The following MRPS10 variants were observed in gnomAD, a reference collection of about 807,000 sequenced individuals.
The protein encoded by MRPS10 is mitochondrial ribosomal protein S10, also known as small ribosomal subunit protein uS10m.
In MRPS10, 23 loss-of-function variants were observed where a neutral mutation model predicts 27.5. The observed-to-expected ratio is 0.84, with a 90% CI of 0.60 to 1.18. MRPS10 has a LOEUF of 1.18. Among genes scored for constraint, MRPS10 ranks in the 50% most tolerant of loss-of-function variants. MRPS10 has a pLI of 0.00. For missense variants in MRPS10, 237 were observed against 240.1 expected (o/e 0.99, Z 0.09); for synonymous variants, 88 against 84.2 (o/e 1.04, Z -0.25).
At chr6:42,214,634 C>G (rs974885452) in intron 1 of MRPS10, among the ~76,000 whole-genome samples, 32 of 102,618 alleles carry the variant, frequency 3.1e-4, no homozygotes, top group African/African-American at 8.2e-4. Context: ...ATGTGGACAT[C>G]AAGAAAAAAT....
Position 42,214,119 on chromosome 6 carries a change from C to G in MRPS10, c.186+1G>C, listed in dbSNP as rs1305724576. 6.2e-7 allele frequency: 1 copy of G among 1,609,042 alleles called. No individual in the cohort carries two copies. Among genetic ancestry groups the G allele is most frequent in the African/African-American group, 1.3e-5 (1 of 74,760 alleles). ...TATACCAAGAAACAGGGAGTACATA[C>G]CACAGGTTTGGTCAAATCCTTTGGA... On this transcript the variant is annotated splice_donor_variant, in intron 3 of 6. Transcript: ENST00000053468. LOFTEE classifies it high-confidence loss of function.
chr6:42,209,186 C>T (rs1408195986), intron 5 of MRPS10, among the ~76,000 whole-genome samples: 1 of 139,280 alleles, frequency 7.2e-6, no homozygotes, highest in Non-Finnish European at 1.6e-5. Flanking sequence ...TTAGTAGAGA[C>T]GGGGTTTCAT....
intron 1 of MRPS10, among the ~76,000 whole-genome samples, chr6:42,216,888 G>A (rs1768956755): frequency 6.6e-6 from 1 of 152,114 alleles, no homozygotes; most frequent in South Asian, 2.1e-4. Context: ...ACACTTTCAG[G>A]GGATCCGGGA....
Position 42,208,004 on chromosome 6 carries a change from C to T in MRPS10, c.*285G>A. ...AAAATGGTACAAACTAATAATTGAA[C>T]ACCAGTAGCGTAACAAAATAGAATT... On this transcript the variant is annotated 3_prime_UTR_variant, in exon 7 of 7. Transcript: ENST00000053468. 2.6e-6 allele frequency: 1 copy of T among 379,888 alleles called. No individual in the cohort carries two copies. Among genetic ancestry groups the T allele is most frequent in the Non-Finnish European group, 4.7e-6 (1 of 213,500 alleles). 23.5% of individuals were successfully genotyped at this position (379,888 alleles called of 1,614,324 possible).
chr6:42,210,366 T>C, intron 5 of MRPS10, 122 bp downstream of exon 5: 1 of 411,460 alleles, frequency 2.4e-6, no homozygotes, highest in Non-Finnish European at 4.4e-6. Context: ...ATTTACCTTC[T>C]GTACAACCAA....
At position 42,211,806 on chromosome 6, in the gene MRPS10, T is replaced by C; in HGVS notation, c.298A>G (p.Lys100Glu). The change falls in exon 4 of 7, where the codon AAA (lysine) becomes GAA (glutamate). Residue 100 changes from lysine to glutamate, a missense_variant. Lys to Glu is a moderately conservative substitution (Grantham distance 56). Transcript: ENST00000053468. The stretch of plus-strand genomic sequence containing the variant: ...ACTTTAATAGAGATACCAAGTTCTT[T>C]AGCAGCAAGCACAGCAAAATATTCA... ...SYEYFAVLAA[K>E]ELGISIKVHE... The C allele has an allele frequency of 6.2e-7, 1 of 1,613,908 alleles. No homozygotes were observed. Among genetic ancestry groups the C allele is most frequent in the South Asian group, 1.1e-5 (1 of 90,982 alleles).
intron 1 of MRPS10, 81 bp downstream of exon 1, chr6:42,217,721 T>C: frequency 1.4e-6 from 2 of 1,464,670 alleles, no homozygotes; most frequent in African/African-American, 1.4e-5. Context: ...AAAATCCTGA[T>C]GGGCAGAGCG....
At chr6:42,211,201 T>C (rs576637645) in intron 4 of MRPS10, among the ~76,000 whole-genome samples, 1 of 152,132 alleles carries the variant, frequency 6.6e-6, no homozygotes. Flanking sequence ...TAGGGAAGAT[T>C]TGAAATGATG....
Position 42,207,873 on chromosome 6 carries a change from T to C in MRPS10, c.*416A>G, listed in dbSNP as rs1768650887. 5.6e-6 allele frequency: 1 copy of C among 179,960 alleles called. No homozygotes were observed. Among genetic ancestry groups the C allele is most frequent in the Non-Finnish European group, 1.1e-5 (1 of 87,484 alleles). The allele number at this position is 179,960 out of a possible 1,614,324, so 11.1% of individuals were successfully genotyped here. A position where few individuals can be genotyped will look rare whatever the true frequency, so the allele number is the denominator to read the frequency against. ...AAAGGTAAATAGCAAAAACTTTAAC[T>C]GCTCAATCTGAATTAACCAAAGATT... On this transcript the variant is annotated 3_prime_UTR_variant, in exon 7 of 7. Coordinates refer to ENST00000053468, the MANE Select transcript of MRPS10 (RefSeq NM_018141.4).
chr6:42,208,754 A>T (rs1440166045), intron 6 of MRPS10, 104 bp downstream of exon 6: 1 of 799,008 alleles, frequency 1.3e-6, no homozygotes, highest in Non-Finnish European at 2.0e-6. Context: ...AGTTTAGGGC[A>T]AACTCTACTC....
intron 1 of MRPS10, among the ~76,000 whole-genome samples, chr6:42,216,812 C>CAAACAA (rs969657535): frequency 3.9e-5 from 6 of 151,976 alleles, no homozygotes; most frequent in South Asian, 2.1e-4. Context: ...ACTCCGTCTC[C>CAAACAA]AAACAAAAAC....
At chr6:42,211,416 C>T (rs1768768463) in intron 4 of MRPS10, among the ~76,000 whole-genome samples, 1 of 151,678 alleles carries the variant, frequency 6.6e-6, no homozygotes. Context: ...TGCAGTGGCT[C>T]ACGCCTGTAA....
intron 5 of MRPS10, among the ~76,000 whole-genome samples, chr6:42,209,391 G>C (rs985383998): frequency 2.0e-5 from 3 of 152,160 alleles, no homozygotes; most frequent in African/African-American, 7.2e-5. Flanking sequence ...AAGATTTTCT[G>C]TGTGTACTAT....
At chr6:42,211,673 C>CAAA (rs35472345) in intron 4 of MRPS10, 108 bp downstream of exon 4, 1,995 of 674,426 alleles carry the variant, frequency 3.0e-3, no homozygotes, top group South Asian at 5.2e-3. Flanking sequence ...GACTCTGTCT[C>CAAA]AAAAAAAAAA....
chr6:42,215,075 A>G (rs7765336), intron 1 of MRPS10, among the ~76,000 whole-genome samples: 131,585 of 152,138 alleles, frequency 0.86, 56,991 homozygotes, highest in East Asian at 0.92. Context: ...AACACAATAG[A>G]ATCCTTAAAA....
intron 6 of MRPS10, 71 bp downstream of exon 6, chr6:42,208,787 A>G: frequency 3.8e-6 from 4 of 1,044,274 alleles, no homozygotes; most frequent in Non-Finnish European, 5.8e-6. Context: ...CCAGGCTGCA[A>G]TGTATCAAAA....
intron 5 of MRPS10, among the ~76,000 whole-genome samples, chr6:42,210,105 GCA>G (rs1472145233): frequency 6.6e-6 from 1 of 152,184 alleles, no homozygotes; most frequent in Non-Finnish European, 1.5e-5. Flanking sequence ...ACTAATGGAA[GCA>G]CAAATGAGTA....
chr6:42,216,016 T>TTTTC, intron 1 of MRPS10, among the ~76,000 whole-genome samples: 1 of 30,998 alleles, frequency 3.2e-5, no homozygotes, highest in Non-Finnish European at 1.1e-4. Flanking sequence ...TTTTCTTTTT[T>TTTTC]TTTTCTTTTC....
At chr6:42,216,736 G>A (rs1768952386) in intron 1 of MRPS10, among the ~76,000 whole-genome samples, 1 of 151,920 alleles carries the variant, frequency 6.6e-6, no homozygotes, top group Non-Finnish European at 1.5e-5. Context: ...ACTTGAACCC[G>A]GGAGGTGGAG....
Sources: gnomAD v4.1 joint callset for allele counts (sites outside exome capture counted in the v4.1 genomes callset) on GRCh38, gnomAD v4.1.1 for gene constraint, MANE v1.5 for transcripts, NCBI Gene and HGNC (gene_info 2026-07-23, HGNC 2026-07-21) for gene names.